The following NT5DC3 variants were observed in gnomAD, a reference collection of about 807,000 sequenced individuals.
The protein encoded by NT5DC3 is 5'-nucleotidase domain-containing protein 3.
A neutral mutation model predicts 67.8 loss-of-function variants in NT5DC3; 42 were observed. The ratio of observed to expected loss-of-function variants is 0.62; its 90% confidence interval spans 0.48 to 0.80. The LOEUF (loss-of-function observed/expected upper bound fraction) is 0.80. Among genes scored for constraint, NT5DC3 ranks in the 30% least tolerant of loss-of-function variants. The probability of loss-of-function intolerance (pLI) is 0.00; values close to 1 mark genes in which losing one functional copy is unlikely to be tolerated. For missense variants in NT5DC3, 570 were observed against 696.4 expected, an observed-to-expected ratio of 0.82 and a Z score of 2.04; for synonymous variants, 237 against 255.6, an observed-to-expected ratio of 0.93 and a Z score of 0.69.
At chr12:103,840,540 G>T (rs1237698169) in intron 1 of NT5DC3, among the ~76,000 whole-genome samples, 1 of 139,672 alleles carries the variant, frequency 7.2e-6, no homozygotes, top group African/African-American at 2.7e-5. Context: ...GGGCATCTCT[G>T]CGCCAGCCCG....
At chr12:103,783,901 G>T (rs1885660321) in intron 12 of NT5DC3, among the ~76,000 whole-genome samples, 1 of 152,126 alleles carries the variant, frequency 6.6e-6, no homozygotes, top group African/African-American at 2.4e-5. Context: ...TTCACTGAGG[G>T]TGAGTCAAGC....
the NT5DC3 span, among the ~76,000 whole-genome samples, chr12:103,747,308 G>A: frequency 2.6e-5 from 4 of 152,196 alleles, no homozygotes; most frequent in Non-Finnish European, 2.9e-5. Context: ...AGGCCCAAAT[G>A]AACAGTGGCA....
At chr12:103,835,907 G>C (rs888692381) in intron 1 of NT5DC3, among the ~76,000 whole-genome samples, 2 of 152,180 alleles carry the variant, frequency 1.3e-5, no homozygotes, top group African/African-American at 4.8e-5. Flanking sequence ...CACATGGCTG[G>C]GGAGGCCTCA....
chr12:103,822,510 T>C (rs1301923224), intron 1 of NT5DC3, among the ~76,000 whole-genome samples: 1 of 152,274 alleles, frequency 6.6e-6, no homozygotes, highest in Non-Finnish European at 1.5e-5. Context: ...ACTGTCTTTA[T>C]TTCATTTACA....
chr12:103,808,528 C>T (rs898275341), intron 2 of NT5DC3, among the ~76,000 whole-genome samples: 15 of 152,304 alleles, frequency 9.8e-5, no homozygotes, highest in African/African-American at 3.1e-4. Flanking sequence ...CAGGCTGACC[C>T]GCATGTGGCA....
the NT5DC3 span, among the ~76,000 whole-genome samples, chr12:103,759,631 G>C: frequency 1.3e-5 from 2 of 152,018 alleles, no homozygotes; most frequent in African/African-American, 4.8e-5. Flanking sequence ...CTAACTGTAA[G>C]GACTTAAACA....
At chr12:103,749,841 CAAAAAAAAAAAAAAAAA>C in the NT5DC3 span, among the ~76,000 whole-genome samples, 5 of 51,132 alleles carry the variant, frequency 9.8e-5, no homozygotes, top group African/African-American at 2.8e-4. Flanking sequence ...CTCTGTCTCA[CAAAAAAAAAAAAAAAAA>C]AAAAAAAAAA....
rs542789647 is a variant in NT5DC3, at chr12:103,813,606, G to A, written c.393+1331C>T. ...ACTTTGGCTGCATTAATAAAAGTAC[G>A]GCATCCAGAACCAGGGAGGTGATGG... On this transcript the variant is annotated intron_variant, in intron 2 of 13. Coordinates refer to ENST00000392876, the MANE Select transcript of NT5DC3 (RefSeq NM_001031701.3). Among the ~76,000 whole-genome samples the A allele has an allele frequency of 4.6e-5, 7 of 152,240 alleles. 1 individual carries two copies. The highest frequency in any genetic ancestry group is 7.2e-5 in the African/African-American group (3 of 41,546).
intron 5 of NT5DC3, 60 bp from the exon 6 acceptor site, chr12:103,797,091 C>T (rs17034593): frequency 0.11 from 175,264 of 1,587,056 alleles, 11,645 homozygotes; most frequent in East Asian, 0.29. Flanking sequence ...GACAGAGCCA[C>T]GAAGCACCAG....
At chr12:103,799,554 A>T (rs894406883) in intron 4 of NT5DC3, among the ~76,000 whole-genome samples, 1 of 152,166 alleles carries the variant, frequency 6.6e-6, no homozygotes, top group Non-Finnish European at 1.5e-5. Flanking sequence ...GAGTCCATTA[A>T]GCCTCTTTTT....
At chr12:103,750,342 G>A in the NT5DC3 span, among the ~76,000 whole-genome samples, 1 of 152,226 alleles carries the variant, frequency 6.6e-6, no homozygotes, top group Non-Finnish European at 1.5e-5. Flanking sequence ...CTTATGTAGG[G>A]TGGTCAGGGA....
intron 1 of NT5DC3, among the ~76,000 whole-genome samples, chr12:103,832,466 TTTTAA>T (rs1266390860): frequency 6.6e-6 from 1 of 152,140 alleles, no homozygotes; most frequent in Non-Finnish European, 1.5e-5. Flanking sequence ...GAATTCTTTT[TTTTAA>T]TTTGTCTTAC....
intron 1 of NT5DC3, among the ~76,000 whole-genome samples, chr12:103,832,355 C>T (rs1566131717): frequency 6.6e-6 from 1 of 152,038 alleles, no homozygotes; most frequent in African/African-American, 2.4e-5. Context: ...CTTACCTCCA[C>T]ATTTTAGGAA....
At chr12:103,822,778 T>G (rs1887544029) in intron 1 of NT5DC3, among the ~76,000 whole-genome samples, 3 of 152,086 alleles carry the variant, frequency 2.0e-5, no homozygotes, top group Admixed American at 2.0e-4. Context: ...GTATCAAGAG[T>G]CTGTTAAAAA....
At chr12:103,758,984 C>T in the NT5DC3 span, 1 of 1,348,912 alleles carries the variant, frequency 7.4e-7, no homozygotes, top group South Asian at 1.2e-5. Flanking sequence ...AACCAGAAGC[C>T]TAAGAAAACC....
chr12:103,750,899 CG>C, the NT5DC3 span, among the ~76,000 whole-genome samples: 1 of 152,152 alleles, frequency 6.6e-6, no homozygotes, highest in African/African-American at 2.4e-5. Flanking sequence ...GAGACCAGCC[CG>C]GCCAACATGG....
At chr12:103,796,275 G>C (rs1886309190) in intron 6 of NT5DC3, among the ~76,000 whole-genome samples, 1 of 152,080 alleles carries the variant, frequency 6.6e-6, no homozygotes, top group South Asian at 2.1e-4. Flanking sequence ...CCAGTACTTT[G>C]GGAGGCTGAG....
intron 6 of NT5DC3, among the ~76,000 whole-genome samples, chr12:103,794,762 T>C (rs1886238934): frequency 6.6e-6 from 1 of 152,244 alleles, no homozygotes; most frequent in African/African-American, 2.4e-5. Context: ...CCTTCTCTCT[T>C]TGGTACCACC....
At chr12:103,803,627 CCCACCCT>C (rs1886672857) in intron 4 of NT5DC3, among the ~76,000 whole-genome samples, 1 of 152,072 alleles carries the variant, frequency 6.6e-6, no homozygotes, top group African/African-American at 2.4e-5. Context: ...TCTCCCTTCT[CCCACCCT>C]CCACCCTCCA....
Sources: gnomAD v4.1 joint callset for allele counts (sites outside exome capture counted in the v4.1 genomes callset) on GRCh38, gnomAD v4.1.1 for gene constraint, MANE v1.5 for transcripts, NCBI Gene and HGNC (gene_info 2026-07-23, HGNC 2026-07-21) for gene names.